Variants in ASCC2 observed in about 807,000 individuals in gnomAD.
The protein encoded by ASCC2 is ASC-1 complex subunit P100.
ASCC2 carries 42 observed loss-of-function variants against 93.5 expected under a neutral mutation model. The ratio of observed to expected loss-of-function variants is 0.45; its 90% CI spans 0.35 to 0.58. ASCC2 has a LOEUF of 0.58. ASCC2 is among the 20% of genes least tolerant of loss of function. The probability of loss-of-function intolerance (pLI) is 0.00; values close to 1 mark genes in which losing one functional copy is unlikely to be tolerated. For synonymous variants in ASCC2, 364 were observed against 384.2 expected, an observed-to-expected ratio of 0.95 and a Z score of 0.62; for missense variants, 859 against 977.6, an observed-to-expected ratio of 0.88 and a Z score of 1.62.
intron 15 of ASCC2, among the ~76,000 whole-genome samples, chr22:29,797,789 G>A (rs993603573): frequency 3.3e-5 from 5 of 152,180 alleles, no homozygotes; most frequent in Middle Eastern, 3.2e-3. Context: ...TTTTGAGACA[G>A]GGTTTCACTC....
At chr22:29,804,439 A>G (rs545445197) in intron 13 of ASCC2, among the ~76,000 whole-genome samples, 199 bp downstream of exon 13, 1 of 152,314 alleles carries the variant, frequency 6.6e-6, no homozygotes, top group East Asian at 1.9e-4. Flanking sequence ...CTCTCCTCAC[A>G]CACAGTCCAG....
chr22:29,814,433 C>T lies in ASCC2; in HGVS notation c.720+224G>A, dbSNP rs573262970. 9.8e-5 allele frequency among the ~76,000 whole-genome samples: 15 copies of T among 152,344 alleles called. No individual in the cohort carries two copies. In the East Asian group the frequency reaches 2.7e-3, roughly 27 times the overall value. On this transcript the variant is annotated intron_variant, in intron 7 of 19. Transcript: ENST00000307790. The stretch of plus-strand genomic sequence containing the variant: ...AATCCTTATTCCCCAGTTCTTTCCA[C>T]TACTCTATAAATGAAGCTCCCAGAG...
In ASCC2 at chr22:29,804,713, C is replaced by T. The variant is rs1355844032; in HGVS notation, c.1278G>A (p.Glu426=). 1 of 1,613,994 alleles carries T rather than the reference C, an allele frequency of 6.2e-7. No homozygotes were observed. The highest frequency in any genetic ancestry group is 1.1e-5 in the South Asian group (1 of 91,082). ...CTGCTGTCACCGTGACCCCGTTAGG[C>T]TCCCCATTAGGCTCCTCAATCACCG... The part of the protein sequence containing the change: ...DPSVIEEPNG[E]PNGVTVTAEA... Residue 426 remains glutamate, a synonymous_variant, in exon 13 of 20, where the codon GAG becomes GAA. Transcript: ENST00000307790.
intron 2 of ASCC2, among the ~76,000 whole-genome samples, chr22:29,827,230 T>A (rs1309566960): frequency 6.6e-6 from 1 of 151,974 alleles, no homozygotes; most frequent in Admixed American, 6.6e-5. Flanking sequence ...TTCCAGCCCC[T>A]ACTTGCCATG....
At chr22:29,801,922 A>T in intron 14 of ASCC2, 72 bp downstream of exon 14, 1 of 1,260,552 alleles carries the variant, frequency 7.9e-7, no homozygotes. Flanking sequence ...GAATGAGGGA[A>T]GGAAGAGAGG....
At chr22:29,807,371 G>A (rs1376556273) in intron 9 of ASCC2, among the ~76,000 whole-genome samples, 2 of 152,152 alleles carry the variant, frequency 1.3e-5, no homozygotes, top group Non-Finnish European at 2.9e-5. Context: ...GAGAGCAGCT[G>A]GCAAAAGCCA....
intron 1 of ASCC2, chr22:29,833,652 C>T (rs56332559): frequency 0.066 from 31,135 of 470,370 alleles, 1,280 homozygotes; most frequent in African/African-American, 0.089. Context: ...AAATGAATCA[C>T]GGAATAGAAG....
intron 15 of ASCC2, among the ~76,000 whole-genome samples, chr22:29,798,636 T>C (rs2058721953): frequency 2.0e-5 from 3 of 152,214 alleles, no homozygotes; most frequent in Admixed American, 2.0e-4. Flanking sequence ...AACGAACACA[T>C]TTTAACTCCA....
chr22:29,831,041 A>C (rs2063080025), intron 2 of ASCC2, among the ~76,000 whole-genome samples: 1 of 152,186 alleles, frequency 6.6e-6, no homozygotes, highest in South Asian at 2.1e-4. Flanking sequence ...GGCACTCACC[A>C]CATGGGGCTA....
Position 29,802,121 on chromosome 22 carries a change from C to A in ASCC2, c.1441G>T (p.Asp481Tyr), listed in dbSNP as rs367674847. The change falls in exon 14 of 20, where the codon GAC (aspartate) becomes TAC (tyrosine). Residue 481 changes from aspartate (D) to tyrosine (Y), a missense_variant. Transcript: ENST00000307790. ...GCCAGGATGAAGCCCTCACCAAGGT[C>A]TGGCAGCAGGTCCTTCACTTGGGAG... ...LISQVKDLLPDLGEGFILACL... is the reference protein window; with the variant it reads ...LISQVKDLLPYLGEGFILACL... 21 of 1,614,120 alleles carry A rather than the reference C, an allele frequency of 1.3e-5. No homozygotes were observed. Among genetic ancestry groups the A allele is most frequent in the Non-Finnish European group, 1.8e-5 (21 of 1,180,046 alleles).
intron 7 of ASCC2, among the ~76,000 whole-genome samples, chr22:29,814,253 G>A (rs1006284719): frequency 2.0e-5 from 3 of 152,190 alleles, no homozygotes; most frequent in Non-Finnish European, 2.9e-5. Context: ...TTCCATGAGC[G>A]CAGGGGCCAG....
At chr22:29,815,865 A>G in intron 6 of ASCC2, 141 bp downstream of exon 6, 1 of 705,918 alleles carries the variant, frequency 1.4e-6, no homozygotes, top group Non-Finnish European at 2.4e-6. Context: ...GGTAAGACAA[A>G]GAGACTGTCT....
chr22:29,794,181 G>A (rs866510696), intron 15 of ASCC2, among the ~76,000 whole-genome samples: 10 of 149,984 alleles, frequency 6.7e-5, no homozygotes, highest in Admixed American at 2.0e-4. Flanking sequence ...CGCTGCGCCC[G>A]GCCAAGAGCC....
chr22:29,795,997 C>T (rs1211213500), intron 15 of ASCC2, among the ~76,000 whole-genome samples: 1 of 152,034 alleles, frequency 6.6e-6, no homozygotes, highest in Non-Finnish European at 1.5e-5. Flanking sequence ...GCTTTTGGTG[C>T]AGGGAGAGGC....
At chr22:29,802,695 C>G (rs2059232535) in intron 13 of ASCC2, among the ~76,000 whole-genome samples, 1 of 151,960 alleles carries the variant, frequency 6.6e-6, no homozygotes, top group Admixed American at 6.6e-5. Context: ...GTAATCCTAG[C>G]ACTTTGGGAG....
At chr22:29,791,000 G>A (rs1051820490) in intron 18 of ASCC2, among the ~76,000 whole-genome samples, 1 of 152,104 alleles carries the variant, frequency 6.6e-6, no homozygotes, top group South Asian at 2.1e-4. Context: ...CACTCTCAAG[G>A]ACAGCCTTCT....
At chr22:29,813,627 C>A in intron 7 of ASCC2, 85 bp from the exon 8 acceptor site, 1 of 916,998 alleles carries the variant, frequency 1.1e-6, no homozygotes, top group South Asian at 1.5e-5. Flanking sequence ...TTAAAACAGT[C>A]AGGGTCCCAA....
chr22:29,827,948 GACACACACAC>G lies in ASCC2; in HGVS notation c.82-2178_82-2169del, dbSNP rs5844874. 2.8e-4 allele frequency among the ~76,000 whole-genome samples: 21 copies of G among 74,414 alleles called. 4 individuals carry two copies. The highest frequency in any genetic ancestry group is 1.7e-3 in the East Asian group (5 of 2,982). 48.8% of individuals were successfully genotyped at this position (74,414 alleles called of 152,430 possible). On this transcript the variant is annotated intron_variant, in intron 2 of 19. Coordinates refer to ENST00000307790, the MANE Select transcript of ASCC2 (RefSeq NM_032204.5). ...CACACACCAGGCTACTCATTCTTCT[GACACACACAC>G]ACACACACACACACACACACACCCC... is the stretch of plus-strand genomic sequence containing the variant.
chr22:29,796,543 G>T (rs2058465001), intron 15 of ASCC2, among the ~76,000 whole-genome samples: 2 of 152,132 alleles, frequency 1.3e-5, no homozygotes, highest in Non-Finnish European at 2.9e-5. Flanking sequence ...TACTTGATTG[G>T]ACCAGGAGCC....
Sources: allele counts gnomAD v4.1 joint callset (sites outside exome capture counted in the v4.1 genomes callset), GRCh38; gene constraint gnomAD v4.1.1; transcripts MANE v1.5; gene names NCBI Gene and HGNC (gene_info 2026-07-23, HGNC 2026-07-21).